Variants in GAREM1 observed in about 807,000 individuals in gnomAD.
The protein encoded by GAREM1 is GRB2 associated regulator of MAPK1 subtype 1.
A neutral mutation model predicts 71.3 loss-of-function variants in GAREM1; 26 were observed. The ratio of observed to expected loss-of-function variants is 0.36; its 90% CI spans 0.27 to 0.51. GAREM1 has a LOEUF of 0.51. Ranked by LOEUF, GAREM1 falls within the 20% of genes least tolerant of loss-of-function variation. GAREM1 has a pLI of 0.95. For synonymous variants in GAREM1, 440 were observed against 433.2 expected, an observed-to-expected ratio of 1.02 and a Z score of -0.20; for missense variants, 1,026 against 1,103.1, an observed-to-expected ratio of 0.93 and a Z score of 0.99.
intron 1 of GAREM1, among the ~76,000 whole-genome samples, chr18:32,427,294 A>G (rs372639790): frequency 6.6e-6 from 1 of 152,220 alleles, no homozygotes; most frequent in African/African-American, 2.4e-5. Flanking sequence ...TTTCCAGGAA[A>G]CATATTAAGT....
chr18:32,344,559 T>C (rs1353499379), intron 2 of GAREM1, among the ~76,000 whole-genome samples: 1 of 152,178 alleles, frequency 6.6e-6, no homozygotes, highest in Non-Finnish European at 1.5e-5. Context: ...GCTGAGTATA[T>C]AGCAGTTTAC....
chr18:32,267,775 G>T lies in GAREM1; in HGVS notation c.*96C>A. The T allele has an allele frequency of 1.0e-6, 1 of 965,502 alleles. No homozygotes were observed. 59.8% of individuals were successfully genotyped at this position (965,502 alleles called of 1,614,324 possible). ...TTCTCTTATCCCTATTTACAGAGAA[G>T]GTTTTTAGTGCAAAAACATGAAATT... On this transcript the variant is annotated 3_prime_UTR_variant, in exon 6 of 6. Coordinates refer to ENST00000269209, the MANE Select transcript of GAREM1 (RefSeq NM_001242409.2).
intron 2 of GAREM1, among the ~76,000 whole-genome samples, chr18:32,347,335 A>G (rs1409027746): frequency 6.6e-6 from 1 of 152,004 alleles, no homozygotes; most frequent in Non-Finnish European, 1.5e-5. Context: ...CGTGTCTCAA[A>G]ATAATAATAA....
intron 2 of GAREM1, among the ~76,000 whole-genome samples, chr18:32,367,435 C>T (rs1356025541): frequency 6.6e-6 from 1 of 152,154 alleles, no homozygotes; most frequent in Admixed American, 6.5e-5. Context: ...CTCTTCTTCT[C>T]CTAAGATATT....
intron 2 of GAREM1, among the ~76,000 whole-genome samples, chr18:32,374,581 T>C (rs934495077): frequency 6.6e-6 from 1 of 152,212 alleles, no homozygotes; most frequent in African/African-American, 2.4e-5. Flanking sequence ...TGGAGAAGTA[T>C]GTATAACACG....
At chr18:32,293,511 G>C (rs1230284664) in intron 3 of GAREM1, among the ~76,000 whole-genome samples, 1 of 151,964 alleles carries the variant, frequency 6.6e-6, no homozygotes, top group Non-Finnish European at 1.5e-5. Flanking sequence ...TGACAAACAA[G>C]GAAGACTGGA....
chr18:32,326,111 T>C (rs1483912143), intron 2 of GAREM1, among the ~76,000 whole-genome samples: 1 of 152,128 alleles, frequency 6.6e-6, no homozygotes, highest in Non-Finnish European at 1.5e-5. Flanking sequence ...AAATTTGACA[T>C]ACATAAAAAG....
At chr18:32,425,491 T>C (rs908013949) in intron 1 of GAREM1, among the ~76,000 whole-genome samples, 1 of 152,220 alleles carries the variant, frequency 6.6e-6, no homozygotes, top group Admixed American at 6.5e-5. Flanking sequence ...ATTTGTTTTG[T>C]GCTCTGTACT....
At chr18:32,462,445 C>A (rs2048961596) in intron 1 of GAREM1, among the ~76,000 whole-genome samples, 1 of 152,060 alleles carries the variant, frequency 6.6e-6, no homozygotes, top group Non-Finnish European at 1.5e-5. Context: ...AGGTGTTTTG[C>A]CCATTTTAAA....
rs529066945 is a variant in GAREM1, at chr18:32,391,399, A to G, written c.262+1496T>C. On this transcript the variant is annotated intron_variant, in intron 2 of 5. Transcript: ENST00000269209. ...TGCAGTCTCTAAAGGGGTTTGAGGA[A>G]GTGATAAAATGAGGGCACTCTTTTG... Among the ~76,000 whole-genome samples the G allele has an allele frequency of 5.9e-5, 9 of 152,322 alleles. No individual in the cohort carries two copies. The East Asian group carries it at 1.4e-3, about 23-fold the overall frequency.
rs2041441693 is a variant in GAREM1 at position 32,270,355 on chromosome 18, G to A, written c.1595C>T (p.Ala532Val). ...AVREECRLLN[A>V]PPVPPRSAKP... The stretch of plus-strand genomic sequence containing the variant: ...TGCGCTTCGGGGTGGAACAGGTGGG[G>A]CGTTCAGGAGCCGGCATTCTTCTCT... The change falls in exon 5 of 6, where the codon GCC (alanine) becomes GTC (valine). Residue 532 changes from alanine (A) to valine (V), a missense_variant. Ala to Val is a moderately conservative substitution (Grantham distance 64, BLOSUM62 0). Transcript: ENST00000269209. 2.5e-6 allele frequency: 4 copies of A among 1,613,446 alleles called. No individual in the cohort carries two copies. The highest frequency in any genetic ancestry group is 2.2e-5 in the South Asian group (2 of 90,966).
rs150659435 is a variant in GAREM1, at chr18:32,289,034, C to T, written c.394-831G>A. On this transcript the variant is annotated intron_variant, in intron 3 of 5. Coordinates refer to ENST00000269209, the MANE Select transcript of GAREM1 (RefSeq NM_001242409.2). ...TCAATTATTTCCTTAGGATAAAGTA[C>T]TAGAAAAACTGCAGGGACAAAAGCT... 2.5e-3 allele frequency among the ~76,000 whole-genome samples: 374 copies of T among 152,228 alleles called. 2 individuals are homozygous for T. The highest frequency in any genetic ancestry group is 7.0e-3 in the South Asian group (34 of 4,824).
chr18:32,424,059 C>G (rs747592759), intron 1 of GAREM1, among the ~76,000 whole-genome samples: 4 of 151,828 alleles, frequency 2.6e-5, no homozygotes, highest in Non-Finnish European at 5.9e-5. Flanking sequence ...TCACTTGAGC[C>G]CAGGAGATAG....
chr18:32,265,119 G>T lies in GAREM1; in HGVS notation c.*2752C>A, dbSNP rs991979234. On this transcript the variant is annotated 3_prime_UTR_variant, in exon 6 of 6. Coordinates refer to ENST00000269209, the MANE Select transcript of GAREM1 (RefSeq NM_001242409.2). The stretch of plus-strand genomic sequence containing the variant: ...CATATCTTGTCATGATTCTCTTGGA[G>T]CTATGAATGCTCTGTCCAGTCAGGA... The T allele has an allele frequency of 1.3e-5, 2 of 152,214 alleles. No individual in the cohort carries two copies. The highest frequency in any genetic ancestry group is 6.5e-5 in the Admixed American group (1 of 15,282). 9.4% of individuals were successfully genotyped at this position (152,214 alleles called of 1,614,324 possible).
chr18:32,399,019 C>T (rs187866372), intron 1 of GAREM1, among the ~76,000 whole-genome samples: 6,921 of 152,120 alleles, frequency 0.045, 245 homozygotes, highest in East Asian at 0.11. Flanking sequence ...GTTCAACATA[C>T]GCAAATCAAT....
intron 1 of GAREM1, among the ~76,000 whole-genome samples, chr18:32,459,324 G>A (rs1343448368): frequency 3.3e-5 from 5 of 151,276 alleles, no homozygotes; most frequent in South Asian, 2.1e-4. Flanking sequence ...TGTATAAGCC[G>A]CTATTTTTTT....
Position 32,363,995 on chromosome 18 carries a change from CATATATAT to C in GAREM1, c.262+28892_262+28899del, listed in dbSNP as rs766095412. On this transcript the variant is annotated intron_variant, in intron 2 of 5. Coordinates refer to ENST00000269209, the MANE Select transcript of GAREM1 (RefSeq NM_001242409.2). ...ACACAAATACATAAATACATATATA[CATATATAT>C]ATATATATATATATATATATATATG... 2.7e-3 allele frequency among the ~76,000 whole-genome samples: 58 copies of C among 21,338 alleles called. 4 individuals carry two copies. In the East Asian group the frequency reaches 0.034, roughly 12 times the overall value. 14.0% of individuals were successfully genotyped at this position (21,338 alleles called of 152,430 possible).
chr18:32,298,948 T>C (rs1418586985), intron 3 of GAREM1, among the ~76,000 whole-genome samples: 4 of 151,892 alleles, frequency 2.6e-5, no homozygotes, highest in Non-Finnish European at 5.9e-5. Context: ...TTTATATATA[T>C]ATATTTTTTT....
rs577053908 is a variant in GAREM1, at chr18:32,413,454, G to T, written c.122-20419C>A. 4.6e-5 allele frequency among the ~76,000 whole-genome samples: 7 copies of T among 152,236 alleles called. No individual in the cohort carries two copies. In the South Asian group the frequency reaches 1.5e-3, roughly 32 times the overall value. On this transcript the variant is annotated intron_variant, in intron 1 of 5. Transcript: ENST00000269209. ...ATATTCTCTGTACACATAACAGAGGGTTAATAAGAAAAATGAAGATTATTT... is the reference window on the plus strand; with the variant it reads ...ATATTCTCTGTACACATAACAGAGGTTTAATAAGAAAAATGAAGATTATTT...
Sources: gnomAD v4.1 joint callset for allele counts (sites outside exome capture counted in the v4.1 genomes callset) on GRCh38, gnomAD v4.1.1 for gene constraint, MANE v1.5 for transcripts, NCBI Gene and HGNC (gene_info 2026-07-23, HGNC 2026-07-21) for gene names.